The following KAZN variants were observed in gnomAD, a reference collection of about 807,000 sequenced individuals.
The protein encoded by KAZN is kazrin, periplakin interacting protein, also known as kazrin.
In KAZN, 40 loss-of-function variants were observed where a neutral mutation model predicts 87.4. The observed-to-expected ratio is 0.46, with a 90% CI of 0.36 to 0.60. The LOEUF (loss-of-function observed/expected upper bound fraction) is 0.60. Among genes scored for constraint, KAZN ranks in the 20% least tolerant of loss-of-function variants. KAZN has a pLI of 0.00. For synonymous variants in KAZN, 466 were observed against 458.3 expected (o/e 1.02, Z -0.22); for missense variants, 898 against 1,073.9 (o/e 0.84, Z 2.29).
chr1:14,652,851 C>T (rs1277331373), intron 1 of KAZN, among the ~76,000 whole-genome samples: 1 of 151,696 alleles, frequency 6.6e-6, no homozygotes, highest in Non-Finnish European at 1.5e-5. Flanking sequence ...GCTACCCCGC[C>T]CCCATGGCAA....
At chr1:14,407,003 C>T (rs545240237) in intron 2 of KAZN, among the ~76,000 whole-genome samples, 4 of 152,284 alleles carry the variant, frequency 2.6e-5, no homozygotes, top group South Asian at 2.1e-4. Context: ...TTTCCAGTTT[C>T]GCAAGTCATC....
Position 14,572,986 on chromosome 1 carries a change from T to A in KAZN, c.250-25997T>A, listed in dbSNP as rs575618833. Reference sequence around the variant, plus strand: ...ACCCAGAAAGCTAATGTTCTATCTGTGGAAACCCTTCAGGAGCAACGATGT... The same window carrying A: ...ACCCAGAAAGCTAATGTTCTATCTGAGGAAACCCTTCAGGAGCAACGATGT... On this transcript the variant is annotated intron_variant, in intron 2 of 16. Transcript: ENST00000636203. 5.3e-5 allele frequency among the ~76,000 whole-genome samples: 8 copies of A among 152,294 alleles called. No homozygotes were observed. The South Asian group carries it at 1.7e-3, about 32-fold the overall frequency.
chr1:15,042,987 C>T (rs775762970), intron 3 of KAZN, among the ~76,000 whole-genome samples: 2 of 152,314 alleles, frequency 1.3e-5, no homozygotes, highest in East Asian at 1.9e-4. Context: ...GTCACAGCCT[C>T]GATTCAGCTG....
intron 8 of KAZN, among the ~76,000 whole-genome samples, chr1:15,085,673 A>G (rs1355547592): frequency 1.3e-5 from 2 of 152,180 alleles, no homozygotes; most frequent in African/African-American, 4.8e-5. Context: ...GTTAATGGCT[A>G]TCCTATTGGT....
intron 2 of KAZN, among the ~76,000 whole-genome samples, chr1:14,400,943 T>C (rs1224552976): frequency 6.6e-6 from 1 of 152,266 alleles, no homozygotes; most frequent in Non-Finnish European, 1.5e-5. Context: ...TGATGTTATA[T>C]AGATATTCAT....
At chr1:13,979,254 C>T (rs1200719898) in intron 1 of KAZN, among the ~76,000 whole-genome samples, 3 of 152,100 alleles carry the variant, frequency 2.0e-5, no homozygotes, top group African/African-American at 4.8e-5. Context: ...ACAAAACCTC[C>T]ATCACATACA....
At chr1:14,945,578 T>C (rs1209749895) in intron 1 of KAZN, among the ~76,000 whole-genome samples, 3 of 151,822 alleles carry the variant, frequency 2.0e-5, no homozygotes, top group African/African-American at 4.8e-5. Flanking sequence ...CCGGCCCGGC[T>C]CCAGCTCCGG....
intron 2 of KAZN, among the ~76,000 whole-genome samples, chr1:14,271,399 T>C (rs1184884118): frequency 6.6e-6 from 1 of 152,216 alleles, no homozygotes; most frequent in African/African-American, 2.4e-5. Flanking sequence ...AGCTACCCAG[T>C]TGTGATTAAC....
Position 14,858,459 on chromosome 1 carries a change from G to A in KAZN, c.227-102225G>A, listed in dbSNP as rs553166313. ...AACTCCTGACCTCAGGTGATCCACC[G>A]GCCTCGGCCTCCTAAAGTGTTGGGA... On this transcript the variant is annotated intron_variant, in intron 1 of 14. Transcript: ENST00000376030. 2.2e-4 allele frequency among the ~76,000 whole-genome samples: 33 copies of A among 152,034 alleles called. No individual in the cohort carries two copies. The East Asian group carries it at 4.9e-3, about 22-fold the overall frequency.
At chr1:14,337,912 A>G (rs1657392143) in intron 2 of KAZN, among the ~76,000 whole-genome samples, 1 of 148,470 alleles carries the variant, frequency 6.7e-6, no homozygotes, top group African/African-American at 2.5e-5. Flanking sequence ...AAAAAAAAAA[A>G]GAGCCTCCTC....
chr1:14,805,144 C>G (rs1646166307), intron 1 of KAZN, among the ~76,000 whole-genome samples: 1 of 152,080 alleles, frequency 6.6e-6, no homozygotes, highest in Non-Finnish European at 1.5e-5. Flanking sequence ...AACAGAAGTC[C>G]TGGAAGGCAG....
chr1:14,912,490 C>T (rs945571868), intron 1 of KAZN, among the ~76,000 whole-genome samples: 9 of 152,148 alleles, frequency 5.9e-5, no homozygotes, highest in South Asian at 2.1e-4. Context: ...ATACCTCCCT[C>T]CCACCTCAGC....
At chr1:14,356,332 G>A (rs1659027001) in intron 2 of KAZN, among the ~76,000 whole-genome samples, 1 of 152,146 alleles carries the variant, frequency 6.6e-6, no homozygotes, top group Non-Finnish European at 1.5e-5. Context: ...TTAGCCCTTT[G>A]TCAGATTGAT....
At chr1:14,811,342 A>G (rs74059396) in intron 1 of KAZN, among the ~76,000 whole-genome samples, 1,947 of 152,334 alleles carry the variant, frequency 0.013, 42 homozygotes, top group African/African-American at 0.044. Context: ...TCAAACTCAC[A>G]AGTTGATGCT....
In KAZN at chr1:13,994,344, T is replaced by A. The variant is rs1047236647; in HGVS notation, c.91+100588T>A. On this transcript the variant is annotated intron_variant, in intron 1 of 16. Coordinates refer to the KAZN transcript ENST00000636203. Reference sequence around the variant, plus strand: ...CCAATGGGACCAGAAAAGTAGAGAATTGTTCACATTCATCAAAAGTTGACT... The same window carrying A: ...CCAATGGGACCAGAAAAGTAGAGAAATGTTCACATTCATCAAAAGTTGACT... Among the ~76,000 whole-genome samples the A allele has an allele frequency of 3.9e-5, 6 of 152,204 alleles. No homozygotes were observed. In the South Asian group the frequency reaches 6.2e-4, roughly 16 times the overall value.
At chr1:14,273,260 A>G (rs1652092816) in intron 2 of KAZN, among the ~76,000 whole-genome samples, 1 of 152,072 alleles carries the variant, frequency 6.6e-6, no homozygotes, top group Non-Finnish European at 1.5e-5. Flanking sequence ...AAATCTAGAA[A>G]TGAAACGGAA....
At chr1:14,069,093 G>T (rs773298194) in intron 1 of KAZN, among the ~76,000 whole-genome samples, 2 of 152,094 alleles carry the variant, frequency 1.3e-5, no homozygotes, top group Non-Finnish European at 2.9e-5. Flanking sequence ...CACCATGCCC[G>T]GCCAGTTGTT....
chr1:14,632,915 AC>A (rs1224159275), intron 1 of KAZN, among the ~76,000 whole-genome samples: 13 of 121,186 alleles, frequency 1.1e-4, no homozygotes, highest in Non-Finnish European at 1.9e-5. Context: ...GACAAAATGC[AC>A]TTTATTTATT....
At chr1:14,053,528 G>A (rs920005378) in intron 1 of KAZN, among the ~76,000 whole-genome samples, 3 of 152,152 alleles carry the variant, frequency 2.0e-5, no homozygotes, top group Non-Finnish European at 4.4e-5. Context: ...ACTTTCCTCT[G>A]CTCAGCTGTG....
Sources: allele counts gnomAD v4.1 joint callset (sites outside exome capture counted in the v4.1 genomes callset), GRCh38; gene constraint gnomAD v4.1.1; transcripts MANE v1.5; gene names NCBI Gene and HGNC (gene_info 2026-07-23, HGNC 2026-07-21).